MAGI2: variants seen among roughly 807,000 people sequenced by gnomAD.
The protein encoded by MAGI2 is membrane-associated guanylate kinase, WW and PDZ domain-containing protein 2.
Under a neutral mutation model 133.3 loss-of-function variants are expected in MAGI2, and 35 were observed. The ratio of observed to expected loss-of-function variants is 0.26; its 90% CI spans 0.20 to 0.35. The LOEUF (loss-of-function observed/expected upper bound fraction) is 0.35, where lower values mean the gene tolerates loss of function less well. MAGI2 is among the 10% of genes least tolerant of loss of function. MAGI2 has a pLI of 1.00. For missense variants in MAGI2, 1,636 were observed against 1,863.4 expected, an observed-to-expected ratio of 0.88 and a Z score of 2.25; for synonymous variants, 729 against 710.6, an observed-to-expected ratio of 1.03 and a Z score of -0.41.
chr7:78,177,860 A>C, intron 14 of MAGI2, 151 bp downstream of exon 14: 1 of 533,532 alleles, frequency 1.9e-6, no homozygotes, highest in Non-Finnish European at 3.4e-6. Flanking sequence ...TTTTTAAAGA[A>C]AACAGCAAGG....
intron 4 of MAGI2, among the ~76,000 whole-genome samples, chr7:78,516,188 T>G (rs1210949506): frequency 6.6e-6 from 1 of 152,128 alleles, no homozygotes; most frequent in Non-Finnish European, 1.5e-5. Context: ...GCGTGTGTAG[T>G]GTGGATGAGA....
At chr7:78,558,791 TAC>T (rs1343402874) in intron 3 of MAGI2, among the ~76,000 whole-genome samples, 1 of 151,100 alleles carries the variant, frequency 6.6e-6, no homozygotes, top group Non-Finnish European at 1.5e-5. Flanking sequence ...AGGGTGATCA[TAC>T]AGTGCTTTTG....
intron 2 of MAGI2, among the ~76,000 whole-genome samples, chr7:78,895,687 A>T (rs544495183): frequency 3.9e-5 from 6 of 152,312 alleles, no homozygotes; most frequent in African/African-American, 9.6e-5. Context: ...GCTATTAAAC[A>T]CAGAGCATTA....
chr7:78,746,589 C>T (rs1027952828), intron 2 of MAGI2, among the ~76,000 whole-genome samples: 3 of 152,204 alleles, frequency 2.0e-5, no homozygotes, highest in African/African-American at 7.2e-5. Flanking sequence ...CATACTAATG[C>T]CAGCTAGTGC....
At chr7:79,088,409 G>T (rs1039116673) in intron 1 of MAGI2, among the ~76,000 whole-genome samples, 1 of 152,014 alleles carries the variant, frequency 6.6e-6, no homozygotes, top group African/African-American at 2.4e-5. Flanking sequence ...GGGAGATTTG[G>T]GGCTGAGATT....
At chr7:78,857,108 C>T (rs1793716102) in intron 2 of MAGI2, among the ~76,000 whole-genome samples, 1 of 152,108 alleles carries the variant, frequency 6.6e-6, no homozygotes, top group African/African-American at 2.4e-5. Context: ...ATTTTGTATC[C>T]TGAGAATTTG....
intron 2 of MAGI2, among the ~76,000 whole-genome samples, chr7:78,815,434 A>G (rs953854021): frequency 6.6e-6 from 1 of 152,208 alleles, no homozygotes; most frequent in Non-Finnish European, 1.5e-5. Context: ...TAACATTAGG[A>G]TTAAAGATTT....
intron 2 of MAGI2, among the ~76,000 whole-genome samples, chr7:78,890,307 G>A (rs1459852106): frequency 6.6e-6 from 1 of 151,802 alleles, no homozygotes; most frequent in Non-Finnish European, 1.5e-5. Context: ...TGTCAACATT[G>A]GACAGATCAA....
intron 2 of MAGI2, among the ~76,000 whole-genome samples, chr7:78,937,251 T>C (rs1301207308): frequency 6.6e-6 from 1 of 151,876 alleles, no homozygotes; most frequent in Non-Finnish European, 1.5e-5. Context: ...TAGTAATGAG[T>C]TATAAACCAT....
intron 6 of MAGI2, among the ~76,000 whole-genome samples, chr7:78,444,906 C>G (rs898369041): frequency 3.4e-5 from 5 of 147,010 alleles, no homozygotes; most frequent in African/African-American, 1.2e-4. Context: ...TGTATATATA[C>G]AAATATATAT....
intron 3 of MAGI2, among the ~76,000 whole-genome samples, chr7:78,572,635 T>C (rs930971161): frequency 2.0e-5 from 3 of 152,080 alleles, no homozygotes; most frequent in Non-Finnish European, 4.4e-5. Flanking sequence ...CTCTGATTTT[T>C]TGTTTTGGCT....
At chr7:79,275,788 G>A (rs1467012921) in intron 1 of MAGI2, among the ~76,000 whole-genome samples, 1 of 152,016 alleles carries the variant, frequency 6.6e-6, no homozygotes, top group South Asian at 2.1e-4. Flanking sequence ...CTAAAAAAGG[G>A]CCCTTAAGAA....
At position 78,194,955 on chromosome 7, in the gene MAGI2, C is replaced by T; in HGVS notation, c.2188G>A (p.Asp730Asn). The T allele has an allele frequency of 1.2e-6, 2 of 1,614,084 alleles. No homozygotes were observed. Among genetic ancestry groups the T allele is most frequent in the Non-Finnish European group, 1.7e-6 (2 of 1,180,004 alleles). Residue 730 changes from aspartate (D) to asparagine (N), a missense_variant, in exon 12 of 22, where the codon GAC (aspartate) becomes AAC (asparagine). By Grantham distance (23) the Asp-to-Asn change is conservative (BLOSUM62 1). This residue lies in a region of MAGI2 where 920 missense variants were observed against 1,093.5 expected (regional missense o/e 0.84). Coordinates refer to ENST00000354212, the MANE Select transcript of MAGI2 (RefSeq NM_012301.4). ...PPALHRSSFP[D>N]STEAFDPRKP... ...CGTGGGTCAAAGGCCTCTGTTGAGT[C>T]AGGAAAGGAGCTCCTGTGAAGGGCA... is the stretch of plus-strand genomic sequence containing the variant.
At chr7:79,139,541 G>A (rs548010048) in intron 1 of MAGI2, among the ~76,000 whole-genome samples, 37 of 152,268 alleles carry the variant, frequency 2.4e-4, no homozygotes, top group Admixed American at 1.4e-3. Context: ...GCCACTTACT[G>A]AACTCCAGCT....
intron 2 of MAGI2, among the ~76,000 whole-genome samples, chr7:78,850,287 C>T (rs184194375): frequency 3.3e-5 from 5 of 152,162 alleles, no homozygotes; most frequent in Admixed American, 1.3e-4. Flanking sequence ...ATGAAAGCTT[C>T]AGTCTAAAGT....
intron 3 of MAGI2, among the ~76,000 whole-genome samples, chr7:78,614,123 A>G (rs75560739): frequency 7.4e-6 from 1 of 135,682 alleles, no homozygotes; most frequent in Non-Finnish European, 1.6e-5. Context: ...AAAAAAAAAA[A>G]TTAGTATATA....
intron 3 of MAGI2, among the ~76,000 whole-genome samples, chr7:78,526,934 G>A (rs1278036377): frequency 6.8e-6 from 1 of 145,998 alleles, no homozygotes; most frequent in East Asian, 2.0e-4. Flanking sequence ...CTTGAACCTG[G>A]GAGGCAGAGG....
intron 2 of MAGI2, among the ~76,000 whole-genome samples, chr7:78,887,840 A>C (rs187199297): frequency 6.6e-6 from 1 of 152,338 alleles, no homozygotes; most frequent in East Asian, 1.9e-4. Context: ...TTTACAACTG[A>C]GGTACCAAGT....
At chr7:78,669,722 C>T (rs1814110393) in intron 2 of MAGI2, among the ~76,000 whole-genome samples, 1 of 152,124 alleles carries the variant, frequency 6.6e-6, no homozygotes, top group Non-Finnish European at 1.5e-5. Context: ...AGCTTATCCA[C>T]CATGATCAAG....
Sources: gnomAD v4.1 joint callset for allele counts (sites outside exome capture counted in the v4.1 genomes callset) on GRCh38, gnomAD v4.1.1 for gene constraint, gnomAD v4.1.1 regional missense constraint, MANE v1.5 for transcripts, NCBI Gene and HGNC (gene_info 2026-07-23, HGNC 2026-07-21) for gene names.